SAMSN1: variants seen among roughly 807,000 people sequenced by gnomAD.
SAMSN1 encodes the protein SAM domain-containing protein SAMSN-1.
A neutral mutation model predicts 42.0 loss-of-function variants in SAMSN1; 31 were observed. The ratio of observed to expected loss-of-function variants is 0.74; its 90% confidence interval spans 0.55 to 1.00. SAMSN1 has a LOEUF of 1.00. SAMSN1 is among the 50% of genes least tolerant of loss of function. The pLI is 0.00. For missense variants in SAMSN1, 464 were observed against 439.4 expected, an observed-to-expected ratio of 1.06 and a Z score of -0.50; for synonymous variants, 178 against 151.9, an observed-to-expected ratio of 1.17 and a Z score of -1.26.
intron 5 of SAMSN1, among the ~76,000 whole-genome samples, chr21:14,504,173 T>C (rs1361890316): frequency 6.6e-6 from 1 of 152,130 alleles, no homozygotes; most frequent in African/African-American, 2.4e-5. Flanking sequence ...AAACCAACTC[T>C]GATAACATGA....
intron 1 of SAMSN1, among the ~76,000 whole-genome samples, chr21:14,646,380 A>C (rs1040855784): frequency 1.3e-5 from 2 of 152,240 alleles, no homozygotes; most frequent in Non-Finnish European, 2.9e-5. Context: ...TAAAGTGCTT[A>C]AGGAAAATAA....
At chr21:14,540,827 T>A (rs1006454504) in intron 1 of SAMSN1, among the ~76,000 whole-genome samples, 1 of 152,194 alleles carries the variant, frequency 6.6e-6, no homozygotes, top group Admixed American at 6.5e-5. Flanking sequence ...TAAAGACACA[T>A]GCACATGTAT....
At chr21:14,509,476 A>G (rs773912231) in intron 5 of SAMSN1, among the ~76,000 whole-genome samples, 9 of 152,198 alleles carry the variant, frequency 5.9e-5, no homozygotes, top group Non-Finnish European at 8.8e-5. Context: ...GATGGGTCTC[A>G]CAAATAACCG....
chr21:14,544,146 T>C (rs1328286362), intron 1 of SAMSN1, among the ~76,000 whole-genome samples: 1 of 152,178 alleles, frequency 6.6e-6, no homozygotes, highest in Non-Finnish European at 1.5e-5. Flanking sequence ...AATCTCCTGG[T>C]CTCAAGCAAT....
intron 7 of SAMSN1, among the ~76,000 whole-genome samples, chr21:14,488,417 G>T (rs1361726222): frequency 2.0e-5 from 3 of 152,058 alleles, no homozygotes; most frequent in African/African-American, 4.8e-5. Flanking sequence ...CTCTCTTCAG[G>T]ATATGAAGCA....
upstream of SAMSN1, chr21:14,583,426 C>G: frequency 2.1e-6 from 1 of 481,622 alleles, no homozygotes; most frequent in Non-Finnish European, 3.7e-6. Flanking sequence ...CTCACTGTGT[C>G]TCGGAGCCCG....
intron 2 of SAMSN1, among the ~76,000 whole-genome samples, chr21:14,618,053 G>A (rs1203952823): frequency 1.3e-5 from 2 of 152,284 alleles, no homozygotes; most frequent in African/African-American, 4.8e-5. Context: ...AATTTCCTAA[G>A]ACCACAAATA....
At chr21:14,531,897 C>A (rs61669689) in intron 1 of SAMSN1, among the ~76,000 whole-genome samples, 14,422 of 152,158 alleles carry the variant, frequency 0.095, 2,140 homozygotes, top group African/African-American at 0.32. Flanking sequence ...ACACAGTAAC[C>A]TTTCTAAAGG....
chr21:14,564,727 C>T (rs1981054762), intron 2 of SAMSN1, among the ~76,000 whole-genome samples: 1 of 152,186 alleles, frequency 6.6e-6, no homozygotes, highest in African/African-American at 2.4e-5. Context: ...CCTCTGGTTT[C>T]TTTCAATTCA....
intron 3 of SAMSN1, among the ~76,000 whole-genome samples, chr21:14,614,676 G>GT (rs1982791285): frequency 6.6e-6 from 1 of 151,920 alleles, no homozygotes; most frequent in Non-Finnish European, 1.5e-5. Flanking sequence ...TTAATCTTTT[G>GT]TTTTTAATTT....
At chr21:14,516,446 C>T (rs1424943023) in intron 3 of SAMSN1, among the ~76,000 whole-genome samples, 1 of 151,968 alleles carries the variant, frequency 6.6e-6, no homozygotes, top group African/African-American at 2.4e-5. Context: ...GGCTGAAGTT[C>T]AGTGGTGCAA....
chr21:14,613,320 T>A lies in SAMSN1; in HGVS notation c.198-407A>T, dbSNP rs1123312. 4.3e-3 allele frequency among the ~76,000 whole-genome samples: 652 copies of A among 152,108 alleles called. 4 individuals are homozygous for A. Among genetic ancestry groups the A allele is most frequent in the African/African-American group, 0.015 (619 of 41,528 alleles). On this transcript the variant is annotated intron_variant, in intron 3 of 15. Coordinates refer to the SAMSN1 transcript ENST00000647101. ...AAATAAAAGATCTGGAAAATAATCA[T>A]CAATTATTGATAAAGCCTAATTGAA... is the stretch of plus-strand genomic sequence containing the variant.
chr21:14,627,508 T>A (rs1338515352), intron 2 of SAMSN1, among the ~76,000 whole-genome samples: 1 of 152,154 alleles, frequency 6.6e-6, no homozygotes, highest in Non-Finnish European at 1.5e-5. Context: ...GCACTCAGAG[T>A]GTGACTTGAT....
chr21:14,485,919 C>T lies in SAMSN1; in HGVS notation c.1115G>A (p.Ser372Asn), dbSNP rs780740222. The T allele has an allele frequency of 8.1e-6, 13 of 1,613,048 alleles. No individual in the cohort carries two copies. The highest frequency in any genetic ancestry group is 1.1e-5 in the Non-Finnish European group (13 of 1,179,304). ...ATAGTTGGGAATGCGTGTTCAGTCA[C>T]TTGGCTCTGTGATAATAATCTTATG... ...MVHKIIITEP[S>N]D The change falls in exon 8 of 8, where the codon AGT becomes AAT. Residue 372 changes from serine to asparagine, a missense_variant. By Grantham distance (46) the Ser-to-Asn change is conservative. Transcript: ENST00000400566.
intron 1 of SAMSN1, among the ~76,000 whole-genome samples, chr21:14,541,530 T>C (rs748672179): frequency 2.0e-5 from 3 of 152,166 alleles, no homozygotes; most frequent in Non-Finnish European, 4.4e-5. Flanking sequence ...TTTTGTTTGT[T>C]TGTTTGTTTT....
intron 1 of SAMSN1, among the ~76,000 whole-genome samples, chr21:14,531,732 C>A (rs1180980744): frequency 6.6e-6 from 1 of 152,158 alleles, no homozygotes; most frequent in East Asian, 1.9e-4. Flanking sequence ...TTATAGTACT[C>A]ATTACTTTGA....
exon 2 of SAMSN1, chr21:14,582,395 A>G (rs1429505638): frequency 3.2e-6 from 5 of 1,549,932 alleles, no homozygotes; most frequent in South Asian, 1.2e-5. Flanking sequence ...TCTAATCTCC[A>G]TTTCTTCCTT....
At chr21:14,556,222 A>C (rs562164919) in intron 2 of SAMSN1, among the ~76,000 whole-genome samples, 126 of 152,334 alleles carry the variant, frequency 8.3e-4, no homozygotes, top group African/African-American at 2.9e-3. Flanking sequence ...TTGAAACTAC[A>C]TCAAAGTTGT....
chr21:14,609,690 G>T, intron 4 of SAMSN1: 1 of 663,968 alleles, frequency 1.5e-6, no homozygotes, highest in South Asian at 1.7e-5. Context: ...GGTATCTTAA[G>T]AGAGCTCTAG....
Sources: gnomAD v4.1 joint callset for allele counts (sites outside exome capture counted in the v4.1 genomes callset) on GRCh38, gnomAD v4.1.1 for gene constraint, MANE v1.5 for transcripts, NCBI Gene and HGNC (gene_info 2026-07-23, HGNC 2026-07-21) for gene names.